MYO16: variants seen among roughly 807,000 people sequenced by gnomAD.
The protein encoded by MYO16 is myosin XVI.
In MYO16, 94 loss-of-function variants were observed where a neutral mutation model predicts 205.3. That is an observed-to-expected ratio of 0.46 (90% confidence interval 0.39 to 0.54). The LOEUF is 0.54. Among genes scored for constraint, MYO16 ranks in the 20% least tolerant of loss-of-function variants. The pLI is 0.00. For synonymous variants in MYO16, 988 were observed against 954.0 expected (o/e 1.04, Z -0.66); for missense variants, 2,315 against 2,387.5 (o/e 0.97, Z 0.63).
intron 32 of MYO16, among the ~76,000 whole-genome samples, chr13:109,159,974 A>G (rs553477572): frequency 6.6e-6 from 1 of 152,222 alleles, no homozygotes; most frequent in South Asian, 2.1e-4. Flanking sequence ...CGGGAATGAC[A>G]TGATCCGACT....
intron 25 of MYO16, among the ~76,000 whole-genome samples, chr13:109,052,865 ATTG>A (rs796688349): frequency 9.2e-5 from 14 of 152,222 alleles, no homozygotes; most frequent in African/African-American, 2.6e-4. Flanking sequence ...TAAATGATAA[ATTG>A]TTGTTTCTCT....
intron 20 of MYO16, among the ~76,000 whole-genome samples, chr13:108,969,875 A>G (rs1883942627): frequency 6.6e-6 from 1 of 152,182 alleles, no homozygotes; most frequent in African/African-American, 2.4e-5. Context: ...ACACCTTGTG[A>G]GACAGAGAGG....
intron 7 of MYO16, among the ~76,000 whole-genome samples, chr13:108,810,574 C>T (rs1275967844): frequency 6.6e-6 from 1 of 152,080 alleles, no homozygotes; most frequent in East Asian, 1.9e-4. Context: ...ATTGTTCTCT[C>T]AAAAAGATGT....
At position 109,105,349 on chromosome 13, in the gene MYO16, G is replaced by A. The variant is rs1417668485; in HGVS notation, c.3438+4462G>A. 2.0e-5 allele frequency among the ~76,000 whole-genome samples: 3 copies of A among 152,196 alleles called. 1 individual carries two copies. Among genetic ancestry groups the A allele is most frequent in the Admixed American group, 6.5e-5 (1 of 15,272 alleles). On this transcript the variant is annotated intron_variant, in intron 28 of 34. Transcript: ENST00000457511. The stretch of plus-strand genomic sequence containing the variant: ...TAGCCAGGGATGGTCGTGGGCGCCT[G>A]TAATTCCAGCTACTTGGTAGGCTGA...
Position 108,957,773 on chromosome 13 carries a change from C to T in MYO16, c.2011C>T (p.Leu671=), listed in dbSNP as rs1883431890. 1 of 1,613,656 alleles carries T rather than the reference C, an allele frequency of 6.2e-7. No homozygotes were observed. The highest frequency in any genetic ancestry group is 8.5e-7 in the Non-Finnish European group (1 of 1,179,648). The stretch of plus-strand genomic sequence containing the variant: ...GAAATTGGCTGTTTTGAAACGAGCC[C>T]TGAATGTAGTTGGCTTCAGCAGCTT... The part of the protein sequence containing the change: ...REKLAVLKRA[L]NVVGFSSLEV... Residue 671 remains leucine, a synonymous_variant, in exon 17 of 35, where the codon CTG becomes TTG. Coordinates refer to ENST00000457511, the MANE Select transcript of MYO16 (RefSeq NM_001198950.3).
rs892851598 is a variant in MYO16, at chr13:108,923,246, C to T, written c.1925+13096C>T. ...GTGCCCCAGTCCAAGGTGTCACTCTCGCAAGATGCGGGATGACCTCAGAAC... is the reference window on the plus strand; with the variant it reads ...GTGCCCCAGTCCAAGGTGTCACTCTTGCAAGATGCGGGATGACCTCAGAAC... On this transcript the variant is annotated intron_variant, in intron 16 of 34. Transcript: ENST00000457511. Among the ~76,000 whole-genome samples, 5 of 152,186 alleles carry T rather than the reference C, an allele frequency of 3.3e-5. No homozygotes were observed. The South Asian group carries it at 6.2e-4, about 19-fold the overall frequency.
chr13:108,648,740 G>T (rs1316066464), intron 1 of MYO16, among the ~76,000 whole-genome samples: 1 of 152,004 alleles, frequency 6.6e-6, no homozygotes, highest in African/African-American at 2.4e-5. Context: ...TCACTTGGTT[G>T]CCACTGGCAG....
intron 20 of MYO16, among the ~76,000 whole-genome samples, chr13:108,972,661 TGTA>T (rs1218853711): frequency 1.3e-5 from 2 of 151,236 alleles, no homozygotes; most frequent in East Asian, 2.0e-4. Context: ...GGGTGTGACT[TGTA>T]GTAAGCGAGG....
intron 12 of MYO16, among the ~76,000 whole-genome samples, chr13:108,879,098 A>C (rs1169365047): frequency 6.6e-6 from 1 of 152,030 alleles, no homozygotes; most frequent in Non-Finnish European, 1.5e-5. Flanking sequence ...CATTATCAAC[A>C]CTCCAGAAGT....
chr13:109,068,379 C>T (rs7983412), intron 27 of MYO16, among the ~76,000 whole-genome samples: 88,778 of 151,948 alleles, frequency 0.58, 25,964 homozygotes, highest in Admixed American at 0.61. Context: ...CCTCCATCTC[C>T]AAGGAAGCAT....
Position 109,127,449 on chromosome 13 carries a change from A to G in MYO16, c.3950A>G (p.Gln1317Arg), listed in dbSNP as rs1262534126. ...DSSSLPSPRK[Q>R]PPPKPKRDPN... ...AGCAGCCTCCCGTCTCCACGGAAAC[A>G]GCCCCCGCCCAAGCCAAAGAGGGAC... Residue 1317 changes from glutamine to arginine, a missense_variant, in exon 31 of 35, where the codon CAG becomes CGG. Physicochemically the swap from Gln to Arg is conservative, Grantham distance 43 (BLOSUM62 1). Coordinates refer to ENST00000457511, the MANE Select transcript of MYO16 (RefSeq NM_001198950.3). This position sits in a 1 kb window ranked among gnomAD's most constrained non-coding sequence, Gnocchi z 4.2. 3.1e-6 allele frequency: 5 copies of G among 1,614,046 alleles called. No homozygotes were observed. Among genetic ancestry groups the G allele is most frequent in the Non-Finnish European group, 3.4e-6 (4 of 1,180,020 alleles).
intron 4 of MYO16, among the ~76,000 whole-genome samples, chr13:108,732,453 G>A (rs2163457): frequency 0.03 from 4,615 of 152,260 alleles, 227 homozygotes; most frequent in African/African-American, 0.11. Context: ...CATGTGAGCC[G>A]GGAGCTACGT....
At chr13:108,804,072 G>A (rs1245861980) in intron 6 of MYO16, among the ~76,000 whole-genome samples, 1 of 152,178 alleles carries the variant, frequency 6.6e-6, no homozygotes, top group Non-Finnish European at 1.5e-5. Context: ...AGGCTGCAGA[G>A]CGTGGCTTCG....
In MYO16 at chr13:109,019,704, C is replaced by T. The variant is rs745382812; in HGVS notation, c.2596-7C>T. The T allele has an allele frequency of 3.2e-5, 51 of 1,609,522 alleles. No individual in the cohort carries two copies. In the South Asian group the frequency reaches 4.8e-4, roughly 15 times the overall value. On this transcript the variant is annotated splice_region_variant and splice_polypyrimidine_tract_variant and intron_variant, in intron 22 of 34. Coordinates refer to ENST00000457511, the MANE Select transcript of MYO16 (RefSeq NM_001198950.3). Reference sequence around the variant, plus strand: ...AAAACAACTCCCCATCTCTTCTTAACTCTCAGAAGCCATCTGGATTTCTCA... The same window carrying T: ...AAAACAACTCCCCATCTCTTCTTAATTCTCAGAAGCCATCTGGATTTCTCA...
chr13:109,165,757 G>A (rs1878630316), intron 33 of MYO16, among the ~76,000 whole-genome samples: 1 of 152,176 alleles, frequency 6.6e-6, no homozygotes, highest in South Asian at 2.1e-4. Context: ...TTGGCTCATG[G>A]GGACATAAGG....
chr13:108,958,338 T>G (rs1400238068), intron 17 of MYO16, among the ~76,000 whole-genome samples: 1 of 151,360 alleles, frequency 6.6e-6, no homozygotes, highest in Non-Finnish European at 1.5e-5. Context: ...AAACCTGAAG[T>G]AACTGTTCAT....
the MYO16 span, among the ~76,000 whole-genome samples, chr13:108,555,420 A>G: frequency 6.6e-6 from 1 of 152,224 alleles, no homozygotes; most frequent in African/African-American, 2.4e-5. Context: ...AAGGGAAATG[A>G]ATGTATGAAC....
At chr13:108,496,265 T>C in the MYO16 span, among the ~76,000 whole-genome samples, 1 of 152,188 alleles carries the variant, frequency 6.6e-6, no homozygotes, top group Non-Finnish European at 1.5e-5. Flanking sequence ...GGGGCGAAAC[T>C]GGCCATTTCG....
chr13:108,835,090 T>TGG (rs67053785), intron 9 of MYO16, among the ~76,000 whole-genome samples: 1 of 24,568 alleles, frequency 4.1e-5, no homozygotes, highest in Non-Finnish European at 1.5e-4. Context: ...TACTTAGAAT[T>TGG]TTTTTTTTCT....
Sources: gnomAD v4.1 joint callset for allele counts (sites outside exome capture counted in the v4.1 genomes callset) on GRCh38, gnomAD v4.1.1 for gene constraint, Gnocchi (gnomAD v3.1) non-coding constraint, MANE v1.5 for transcripts, NCBI Gene and HGNC (gene_info 2026-07-23, HGNC 2026-07-21) for gene names.